Variants in GPC5 observed in about 807,000 individuals in gnomAD.
GPC5 encodes the protein glypican 5, also known as glypican-5.
In GPC5, 47 loss-of-function variants were observed where a neutral mutation model predicts 53.9. That is an observed-to-expected ratio of 0.87 (90% CI 0.69 to 1.11). The LOEUF (loss-of-function observed/expected upper bound fraction) is 1.11. GPC5 is among the 50% of genes most tolerant of loss of function. The pLI is 0.00. For synonymous variants in GPC5, 286 were observed against 263.3 expected (o/e 1.09, Z -0.84); for missense variants, 748 against 713.1 (o/e 1.05, Z -0.56).
chr13:92,477,293 T>C (rs1879187387), intron 7 of GPC5, among the ~76,000 whole-genome samples: 1 of 152,126 alleles, frequency 6.6e-6, no homozygotes, highest in South Asian at 2.1e-4. Flanking sequence ...CATAACCTTA[T>C]TCCATTTCAA....
intron 7 of GPC5, among the ~76,000 whole-genome samples, chr13:92,385,443 T>TACATATATAC (rs2043790820): frequency 8.9e-6 from 1 of 111,834 alleles, no homozygotes; most frequent in Non-Finnish European, 1.8e-5. Context: ...TATACATATA[T>TACATATATAC]ACATATATAC....
chr13:91,930,390 G>A (rs9589371), intron 6 of GPC5, among the ~76,000 whole-genome samples: 3,346 of 151,962 alleles, frequency 0.022, 125 homozygotes, highest in African/African-American at 0.074. Flanking sequence ...CTATTATAGT[G>A]CTTGATATTT....
intron 6 of GPC5, among the ~76,000 whole-genome samples, chr13:91,937,873 G>A (rs1482422866): frequency 6.6e-6 from 1 of 152,042 alleles, no homozygotes; most frequent in Non-Finnish European, 1.5e-5. Context: ...TTTCCTGTAT[G>A]AGAAGTGAGA....
At chr13:92,258,208 C>A (rs539382718) in intron 7 of GPC5, among the ~76,000 whole-genome samples, 4 of 152,220 alleles carry the variant, frequency 2.6e-5, no homozygotes, top group African/African-American at 7.2e-5. Context: ...GATTCTAATG[C>A]AAATTCACTT....
chr13:92,330,834 A>G (rs1205937955), intron 7 of GPC5, among the ~76,000 whole-genome samples: 1 of 152,148 alleles, frequency 6.6e-6, no homozygotes, highest in East Asian at 1.9e-4. Context: ...GAGGTCAACA[A>G]TGGCTGACCA....
chr13:92,139,832 A>G (rs1190220764), intron 6 of GPC5, among the ~76,000 whole-genome samples: 1 of 152,134 alleles, frequency 6.6e-6, no homozygotes, highest in African/African-American at 2.4e-5. Context: ...CTATTCCATT[A>G]GATATAGAGG....
At chr13:92,636,414 AT>A (rs1156994202) in intron 7 of GPC5, among the ~76,000 whole-genome samples, 1 of 152,082 alleles carries the variant, frequency 6.6e-6, no homozygotes. Context: ...TGCTCTCTGT[AT>A]TTTGTTTCTT....
chr13:92,160,690 T>C (rs961989218), intron 7 of GPC5, among the ~76,000 whole-genome samples: 1 of 152,160 alleles, frequency 6.6e-6, no homozygotes, highest in Non-Finnish European at 1.5e-5. Flanking sequence ...ACTATCTCTC[T>C]GAAGACTGAC....
At chr13:91,693,046 G>A in intron 2 of GPC5, 141 bp from the exon 3 acceptor site, 1 of 647,900 alleles carries the variant, frequency 1.5e-6, no homozygotes, top group East Asian at 2.7e-5. Context: ...TCCTTGGAAA[G>A]CTGAATTTGG....
At chr13:91,924,252 T>A (rs970404797) in intron 6 of GPC5, among the ~76,000 whole-genome samples, 3 of 152,234 alleles carry the variant, frequency 2.0e-5, no homozygotes, top group African/African-American at 4.8e-5. Flanking sequence ...GTTACTGTAT[T>A]GTCATTATTA....
Position 92,711,407 on chromosome 13 carries a change from T to C in GPC5, c.1562-154875T>C, listed in dbSNP as rs762823115. Reference sequence around the variant, plus strand: ...GCATTATGGTAGAAAATATTTATCATTTAAATATACCCATTTATCATTTAA... The same window carrying C: ...GCATTATGGTAGAAAATATTTATCACTTAAATATACCCATTTATCATTTAA... On this transcript the variant is annotated intron_variant, in intron 7 of 7. Transcript: ENST00000377067. 5.9e-5 allele frequency among the ~76,000 whole-genome samples: 9 copies of C among 152,152 alleles called. No homozygotes were observed. The South Asian group carries it at 8.3e-4, about 14-fold the overall frequency.
At chr13:92,168,097 T>A (rs992251343) in intron 7 of GPC5, among the ~76,000 whole-genome samples, 2 of 152,098 alleles carry the variant, frequency 1.3e-5, no homozygotes, top group African/African-American at 4.8e-5. Flanking sequence ...ATCATGGCCC[T>A]GATAAAAAGC....
chr13:91,530,262 G>A (rs1346727924), intron 2 of GPC5, among the ~76,000 whole-genome samples: 1 of 152,184 alleles, frequency 6.6e-6, no homozygotes, highest in Non-Finnish European at 1.5e-5. Context: ...CTGGAGAGTG[G>A]TTTGCCAGAG....
chr13:92,596,286 A>G (rs1354246692), intron 7 of GPC5, among the ~76,000 whole-genome samples: 1 of 152,184 alleles, frequency 6.6e-6, no homozygotes, highest in Non-Finnish European at 1.5e-5. Context: ...AAACGTTGCT[A>G]AGATGTAAAC....
At chr13:92,200,364 A>C (rs2042285688) in intron 7 of GPC5, among the ~76,000 whole-genome samples, 1 of 152,222 alleles carries the variant, frequency 6.6e-6, no homozygotes, top group South Asian at 2.1e-4. Context: ...TTAATCATAA[A>C]CATTTGCTAA....
intron 7 of GPC5, among the ~76,000 whole-genome samples, chr13:92,564,497 T>C (rs1882802706): frequency 6.6e-6 from 1 of 152,078 alleles, no homozygotes; most frequent in African/African-American, 2.4e-5. Context: ...ATTTTATTTT[T>C]TGGTGTTTAA....
chr13:92,391,030 C>A (rs888760383), intron 7 of GPC5, among the ~76,000 whole-genome samples: 5 of 152,082 alleles, frequency 3.3e-5, no homozygotes, highest in Admixed American at 6.6e-5. Flanking sequence ...AATTAATGTT[C>A]ATTTATTTTC....
intron 7 of GPC5, among the ~76,000 whole-genome samples, chr13:92,714,417 A>G (rs1288332978): frequency 6.6e-6 from 1 of 152,142 alleles, no homozygotes; most frequent in Admixed American, 6.5e-5. Flanking sequence ...CTCCCACATA[A>G]TTTTGGATTG....
At chr13:91,972,405 C>G (rs1405156451) in intron 6 of GPC5, among the ~76,000 whole-genome samples, 2 of 152,088 alleles carry the variant, frequency 1.3e-5, no homozygotes, top group African/African-American at 4.8e-5. Context: ...ACTGATGGGT[C>G]TTGACTCTTT....
Sources: gnomAD v4.1 joint callset for allele counts (sites outside exome capture counted in the v4.1 genomes callset) on GRCh38, gnomAD v4.1.1 for gene constraint, MANE v1.5 for transcripts, NCBI Gene and HGNC (gene_info 2026-07-23, HGNC 2026-07-21) for gene names.